Variants in CABLES1 observed in about 807,000 individuals in gnomAD.
The protein encoded by CABLES1 is Cdk5 and Abl enzyme substrate 1.
A neutral mutation model predicts 57.8 loss-of-function variants in CABLES1; 36 were observed. The observed-to-expected ratio is 0.62, with a 90% CI of 0.48 to 0.82. CABLES1 has a LOEUF of 0.82. Among genes scored for constraint, CABLES1 ranks in the 40% least tolerant of loss-of-function variants. The pLI is 0.00. For missense variants in CABLES1, 767 were observed against 836.6 expected (o/e 0.92, Z 1.03); for synonymous variants, 374 against 363.0 (o/e 1.03, Z -0.35).
At chr18:23,178,688 A>G (rs1413236008) in intron 1 of CABLES1, among the ~76,000 whole-genome samples, 1 of 152,206 alleles carries the variant, frequency 6.6e-6, no homozygotes, top group Non-Finnish European at 1.5e-5. Flanking sequence ...CTGGCCAGCT[A>G]TTAAATCCTA....
intron 1 of CABLES1, among the ~76,000 whole-genome samples, chr18:23,164,657 CTT>C (rs11400807): frequency 9.4e-4 from 135 of 144,350 alleles, no homozygotes; most frequent in Middle Eastern, 3.5e-3. Context: ...CACACTAAAG[CTT>C]TTTTTTTTTT....
intron 1 of CABLES1, among the ~76,000 whole-genome samples, chr18:23,138,618 C>T (rs963862596): frequency 2.0e-5 from 3 of 152,214 alleles, no homozygotes; most frequent in African/African-American, 7.2e-5. Flanking sequence ...GCCAACACCA[C>T]GCCGCTTGTC....
At chr18:23,175,435 G>A (rs894018701) in intron 1 of CABLES1, among the ~76,000 whole-genome samples, 1 of 152,156 alleles carries the variant, frequency 6.6e-6, no homozygotes, top group Non-Finnish European at 1.5e-5. Context: ...CTTGCCGAAG[G>A]TCTTGGAGTA....
At chr18:23,190,971 C>T (rs944033551) in intron 2 of CABLES1, among the ~76,000 whole-genome samples, 8 of 149,988 alleles carry the variant, frequency 5.3e-5, no homozygotes, top group Admixed American at 1.4e-4. Context: ...TGGCTGGGCA[C>T]GGTGGCTCAC....
chr18:23,219,909 T>C (rs565115172), intron 4 of CABLES1, among the ~76,000 whole-genome samples: 1 of 152,200 alleles, frequency 6.6e-6, no homozygotes, highest in Non-Finnish European at 1.5e-5. Flanking sequence ...TTTCTTAAAA[T>C]TGAGATTTTT....
At chr18:23,233,332 C>T (rs1054660521) in intron 4 of CABLES1, among the ~76,000 whole-genome samples, 2 of 152,110 alleles carry the variant, frequency 1.3e-5, no homozygotes, top group Non-Finnish European at 2.9e-5. Flanking sequence ...GCAGTTACAC[C>T]TGAGCATAGG....
intron 1 of CABLES1, among the ~76,000 whole-genome samples, chr18:23,148,240 C>T (rs2046905955): frequency 6.6e-6 from 1 of 152,126 alleles, no homozygotes; most frequent in African/African-American, 2.4e-5. Context: ...CCACCCGCCT[C>T]AGCCTCCCAA....
At chr18:23,178,132 C>A (rs111986396) in intron 1 of CABLES1, among the ~76,000 whole-genome samples, 3 of 152,148 alleles carry the variant, frequency 2.0e-5, no homozygotes, top group Admixed American at 2.0e-4. Flanking sequence ...TTCCCCACCC[C>A]CTCCATGAGT....
chr18:23,203,566 C>G (rs1465566763), intron 3 of CABLES1, among the ~76,000 whole-genome samples: 1 of 152,044 alleles, frequency 6.6e-6, no homozygotes, highest in Admixed American at 6.5e-5. Context: ...TGGAGCCTTT[C>G]CTTGTTGCAC....
At chr18:23,195,529 C>G (rs1357213480) in intron 3 of CABLES1, among the ~76,000 whole-genome samples, 1 of 152,192 alleles carries the variant, frequency 6.6e-6, no homozygotes, top group East Asian at 1.9e-4. Flanking sequence ...TATAATAACC[C>G]ACAACAATTA....
chr18:23,146,857 G>C (rs2046894634), intron 1 of CABLES1, among the ~76,000 whole-genome samples: 1 of 152,140 alleles, frequency 6.6e-6, no homozygotes, highest in Admixed American at 6.5e-5. Context: ...TAAGAAAAAC[G>C]TAAGAAAGAA....
intron 3 of CABLES1, among the ~76,000 whole-genome samples, chr18:23,211,841 G>A (rs1473887811): frequency 6.6e-6 from 1 of 152,236 alleles, no homozygotes; most frequent in African/African-American, 2.4e-5. Flanking sequence ...ATTTACAGGG[G>A]CACTGCAGCA....
intron 1 of CABLES1, among the ~76,000 whole-genome samples, chr18:23,168,717 A>T (rs542894200): frequency 4.3e-4 from 66 of 152,236 alleles, no homozygotes; most frequent in Non-Finnish European, 7.9e-4. Flanking sequence ...TCCTGCGGCC[A>T]TTCCACTTCC....
At chr18:23,220,427 T>C (rs2047478393) in intron 4 of CABLES1, among the ~76,000 whole-genome samples, 1 of 152,098 alleles carries the variant, frequency 6.6e-6, no homozygotes, top group African/African-American at 2.4e-5. Context: ...TGAGAAAGGC[T>C]TAGCAACTGC....
rs2048077463 is a variant in CABLES1 at position 23,253,031 on chromosome 18, T to A, written c.1518T>A (p.Phe506Leu). Residue 506 changes from phenylalanine to leucine, a missense_variant, in exon 8 of 10, where the codon TTT becomes TTA. By Grantham distance (22) the Phe-to-Leu change is conservative. Around this residue, in one of 4 missense-constraint regions of CABLES1, gnomAD observed 529 missense variants for 622.8 expected, o/e 0.85. Transcript: ENST00000256925. ...TGAACGAGACCTTCAAGGAGAAGTT[T>A]CCTCACATTAAGCTGACACTCAGCA... ...KDMNETFKEK[F>L]PHIKLTLSKI... 2 of 1,613,818 alleles carry A rather than the reference T, an allele frequency of 1.2e-6. No individual in the cohort carries two copies. The highest frequency in any genetic ancestry group is 4.5e-5 in the East Asian group (2 of 44,882).
chr18:23,195,917 G>A (rs1006545561), intron 3 of CABLES1, among the ~76,000 whole-genome samples: 1 of 152,082 alleles, frequency 6.6e-6, no homozygotes, highest in East Asian at 1.9e-4. Flanking sequence ...TTTTGTTCAT[G>A]ATCTCTTTAA....
At chr18:23,256,234 T>G (rs1004597261) in intron 9 of CABLES1, among the ~76,000 whole-genome samples, 1 of 152,250 alleles carries the variant, frequency 6.6e-6, no homozygotes, top group African/African-American at 2.4e-5. Flanking sequence ...AGGCCCTCCC[T>G]GTCCATCCCC....
intron 1 of CABLES1, among the ~76,000 whole-genome samples, chr18:23,152,751 C>T (rs2144963537): frequency 6.6e-6 from 1 of 152,018 alleles, no homozygotes; most frequent in South Asian, 2.1e-4. Flanking sequence ...TCCCAAAGTG[C>T]TGGGATTATA....
intron 3 of CABLES1, among the ~76,000 whole-genome samples, chr18:23,204,948 T>C (rs552996179): frequency 6.6e-6 from 1 of 152,148 alleles, no homozygotes; most frequent in Admixed American, 6.5e-5. Context: ...GAGATTTGGG[T>C]GGGGACACAG....
Sources: gnomAD v4.1 joint callset for allele counts (sites outside exome capture counted in the v4.1 genomes callset) on GRCh38, gnomAD v4.1.1 for gene constraint, gnomAD v4.1.1 regional missense constraint, MANE v1.5 for transcripts, NCBI Gene and HGNC (gene_info 2026-07-23, HGNC 2026-07-21) for gene names.